The following IL20RA variants were observed in gnomAD, a reference collection of about 807,000 sequenced individuals.
The protein encoded by IL20RA is interleukin 20 receptor subunit alpha.
IL20RA carries 29 observed loss-of-function variants against 36.5 expected under a neutral mutation model. The ratio of observed to expected loss-of-function variants is 0.79; its 90% CI spans 0.59 to 1.08. The LOEUF is 1.08. Among genes scored for constraint, IL20RA ranks in the 50% least tolerant of loss-of-function variants. IL20RA has a pLI of 0.00. For missense variants in IL20RA, 652 were observed against 668.4 expected (o/e 0.98, Z 0.27); for synonymous variants, 279 against 267.1 (o/e 1.04, Z -0.43).
At chr6:137,021,525 CA>C (rs56114631) in intron 1 of IL20RA, among the ~76,000 whole-genome samples, 121,743 of 148,496 alleles carry the variant, frequency 0.82, 55,155 homozygotes, top group East Asian at 1. Context: ...ACACAAGAAA[CA>C]AAAATTAGCC....
At chr6:137,009,564 C>T in intron 3 of IL20RA, 72 bp from the exon 4 acceptor site, 1 of 874,668 alleles carries the variant, frequency 1.1e-6, no homozygotes, top group Non-Finnish European at 1.9e-6. Flanking sequence ...ACCATATAAT[C>T]CTACTTGGAT....
At position 137,023,240 on chromosome 6, in the gene IL20RA, C is replaced by T. The variant is rs74468104; in HGVS notation, c.89-6137G>A. On this transcript the variant is annotated intron_variant, in intron 1 of 6. Transcript: ENST00000316649. ...TCACAGAACCCATAAATACACAGGGCCTTAGGAGAGGGCAGTGTTCTAGGC... is the reference window on the plus strand; with the variant it reads ...TCACAGAACCCATAAATACACAGGGTCTTAGGAGAGGGCAGTGTTCTAGGC... Among the ~76,000 whole-genome samples the T allele has an allele frequency of 7.6e-3, 1,092 of 144,342 alleles. 27 individuals are homozygous for T. The highest frequency in any genetic ancestry group is 0.026 in the African/African-American group (1,070 of 40,724). 94.7% of individuals were successfully genotyped at this position (144,342 alleles called of 152,430 possible).
At position 137,044,685 on chromosome 6, in the gene IL20RA, G is replaced by T. The variant is rs1049036368; in HGVS notation, c.44C>A (p.Pro15Gln). ...CGCCAGGAGCAACAGCAGCAGCGGCGGCAGCGGCAGCGGCCGCAGGGCCGG... is the reference window on the plus strand; with the variant it reads ...CGCCAGGAGCAACAGCAGCAGCGGCTGCAGCGGCAGCGGCCGCAGGGCCGG... ...GRPALRPLPL[P>Q]PLLLLLLAAP... The change falls in exon 1 of 7, where the codon CCG (proline) becomes CAG (glutamine). Residue 15 changes from proline to glutamine, a missense_variant. Transcript: ENST00000316649. 32 of 1,223,206 alleles carry T rather than the reference G, an allele frequency of 2.6e-5. No homozygotes were observed. In the South Asian group the frequency reaches 5.7e-4, roughly 22 times the overall value. 75.8% of individuals were successfully genotyped at this position (1,223,206 alleles called of 1,614,324 possible).
At position 137,044,873 on chromosome 6, in the gene IL20RA, C is replaced by T. The variant is rs369212925; in HGVS notation, c.-145G>A. The T allele has an allele frequency of 7.3e-6, 5 of 685,568 alleles. No homozygotes were observed. The African/African-American group carries it at 9.4e-5, about 13-fold the overall frequency. 42.5% of individuals were successfully genotyped at this position (685,568 alleles called of 1,614,324 possible). On this transcript the variant is annotated 5_prime_UTR_variant, in exon 1 of 7. Transcript: ENST00000316649. ...AGGCGACCTGAGTCCCAGGGCGCCTCCGCCACAGCCGCGTCCCCCAGGCTT... is the reference window on the plus strand; with the variant it reads ...AGGCGACCTGAGTCCCAGGGCGCCTTCGCCACAGCCGCGTCCCCCAGGCTT...
intron 1 of IL20RA, 109 bp downstream of exon 1, chr6:137,044,532 C>G: frequency 7.1e-6 from 8 of 1,125,910 alleles, no homozygotes; most frequent in Non-Finnish European, 8.9e-6. Flanking sequence ...CGCCCGAAAG[C>G]GAAACCTGGC....
At chr6:137,028,093 T>C (rs1349095946) in intron 1 of IL20RA, among the ~76,000 whole-genome samples, 2 of 152,140 alleles carry the variant, frequency 1.3e-5, no homozygotes, top group Non-Finnish European at 1.5e-5. Flanking sequence ...GTAGAATATA[T>C]GATAGGCACG....
intron 1 of IL20RA, among the ~76,000 whole-genome samples, chr6:137,028,667 A>G (rs1462287793): frequency 6.6e-6 from 1 of 152,150 alleles, no homozygotes; most frequent in African/African-American, 2.4e-5. Context: ...AGCAAGTAAG[A>G]CTTTAACATA....
chr6:137,010,677 C>G (rs1775460612), intron 3 of IL20RA, among the ~76,000 whole-genome samples: 1 of 152,114 alleles, frequency 6.6e-6, no homozygotes, highest in African/African-American at 2.4e-5. Context: ...TGCCTTAATT[C>G]TGGGTTACAC....
intron 1 of IL20RA, among the ~76,000 whole-genome samples, chr6:137,031,206 A>G (rs1776265959): frequency 6.6e-6 from 1 of 152,204 alleles, no homozygotes; most frequent in South Asian, 2.1e-4. Context: ...TCGCTCACCT[A>G]TGCTGGATAC....
intron 5 of IL20RA, among the ~76,000 whole-genome samples, chr6:137,005,764 T>G (rs1383495160): frequency 6.6e-6 from 1 of 152,100 alleles, no homozygotes; most frequent in East Asian, 1.9e-4. Flanking sequence ...AATTGAAGAC[T>G]TTCATAAAAA....
chr6:137,004,736 T>C lies in IL20RA; in HGVS notation c.749A>G (p.Lys250Arg). 6.3e-7 allele frequency: 1 copy of C among 1,597,098 alleles called. No individual in the cohort carries two copies. The change falls in exon 6 of 7, where the codon AAA becomes AGA. Residue 250 changes from lysine (K) to arginine (R), a missense_variant. Coordinates refer to ENST00000316649, the MANE Select transcript of IL20RA (RefSeq NM_014432.4). ...GGGCAAAACATACCAGAAGATGATT[T>C]TAGCCTTGAACTCTGATGATTGATC... Reference protein sequence around the residue: ...LKDQSSEFKAKIIFWYVLPVS... With the variant: ...LKDQSSEFKARIIFWYVLPVS...
chr6:137,034,853 G>A (rs1418684688), intron 1 of IL20RA, among the ~76,000 whole-genome samples: 1 of 151,866 alleles, frequency 6.6e-6, no homozygotes, highest in Non-Finnish European at 1.5e-5. Context: ...GCTGAGGCAG[G>A]AGAATGGTGA....
In IL20RA at chr6:137,016,979, C is replaced by G; in HGVS notation, c.213G>C (p.Val71=). The change falls in exon 2 of 7, where the codon GTG becomes GTC. Residue 71 remains valine (V), a synonymous_variant. Transcript: ENST00000316649. ...GLQGVKVTYT[V]QYFIYGQKKW... ...AAGAAGAAACTTACATGAAATACTG[C>G]ACAGTGTAAGTAACTTTAACTCCTT... The G allele has an allele frequency of 6.2e-7, 1 of 1,613,462 alleles. No individual in the cohort carries two copies. The highest frequency in any genetic ancestry group is 8.5e-7 in the Non-Finnish European group (1 of 1,179,536).
chr6:137,019,535 G>A (rs766976142), intron 1 of IL20RA, among the ~76,000 whole-genome samples: 3 of 152,092 alleles, frequency 2.0e-5, no homozygotes, highest in African/African-American at 4.8e-5. Context: ...AAATAGACAG[G>A]CAATTTTATT....
chr6:137,002,406 T>C, intron 6 of IL20RA, 51 bp from the exon 7 acceptor site: 1 of 1,208,476 alleles, frequency 8.3e-7, no homozygotes, highest in South Asian at 1.5e-5. Flanking sequence ...AGAGAGACAT[T>C]AAAAACAGCT....
chr6:137,004,590 A>G (rs1294836160), intron 6 of IL20RA, 31 bp downstream of exon 6: 2 of 1,605,738 alleles, frequency 1.2e-6, no homozygotes, highest in Admixed American at 1.7e-5. Context: ...GTACTATTAT[A>G]ATAAAGAACC....
At position 137,044,843 on chromosome 6, in the gene IL20RA, G is replaced by C; in HGVS notation, c.-115C>G. Reference sequence around the variant, plus strand: ...CCGCGCCTGGGGCTCTGCGTGCCACGCTCCAGGCGACCTGAGTCCCAGGGC... The same window carrying C: ...CCGCGCCTGGGGCTCTGCGTGCCACCCTCCAGGCGACCTGAGTCCCAGGGC... On this transcript the variant is annotated 5_prime_UTR_variant, in exon 1 of 7. Coordinates refer to ENST00000316649, the MANE Select transcript of IL20RA (RefSeq NM_014432.4). 9.9e-7 allele frequency: 1 copy of C among 1,006,088 alleles called. No individual in the cohort carries two copies. Among genetic ancestry groups the C allele is most frequent in the Non-Finnish European group, 1.3e-6 (1 of 793,876 alleles). The allele number at this position is 1,006,088 out of a possible 1,614,324, so 62.3% of individuals were successfully genotyped here.
Position 137,001,783 on chromosome 6 carries a change from C to G in IL20RA, c.1437G>C (p.Leu479=). The change falls in exon 7 of 7, where the codon CTG becomes CTC. Residue 479 remains leucine, a synonymous_variant. Transcript: ENST00000316649. ...EGPEEEPSTT[L]VDWDPQTGRL... is the part of the protein sequence containing the mutation. ...TGCCAGTTTGGGGATCCCAGTCGAC[C>G]AGGGTCGTCGATGGCTCTTCCTCCG... 1 of 1,612,720 alleles carries G rather than the reference C, an allele frequency of 6.2e-7. No individual in the cohort carries two copies. The highest frequency in any genetic ancestry group is 8.5e-7 in the Non-Finnish European group (1 of 1,179,044).
At position 137,009,498 on chromosome 6, in the gene IL20RA, A is replaced by AG. The variant is rs1775399050; in HGVS notation, c.404-7dup. On this transcript the variant is annotated splice_polypyrimidine_tract_variant and splice_region_variant and intron_variant, in intron 3 of 6. Transcript: ENST00000316649. ...CTCTGGTGGGCCAATTTGTGCTTAA[A>AG]GGGGGAGAAAGAGGGTATTATCATG... is the stretch of plus-strand genomic sequence containing the variant. The AG allele has an allele frequency of 1.9e-6, 3 of 1,582,624 alleles. No homozygotes were observed. Among genetic ancestry groups the AG allele is most frequent in the African/African-American group, 2.7e-5 (2 of 74,048 alleles).
Sources: allele counts gnomAD v4.1 joint callset (sites outside exome capture counted in the v4.1 genomes callset), GRCh38; gene constraint gnomAD v4.1.1; transcripts MANE v1.5; gene names NCBI Gene and HGNC (gene_info 2026-07-23, HGNC 2026-07-21).